Variants in GALNTL6 observed in about 807,000 individuals in gnomAD.
The protein encoded by GALNTL6 is polypeptide N-acetylgalactosaminyltransferase-like 6.
Under a neutral mutation model 73.7 loss-of-function variants are expected in GALNTL6, and 46 were observed. The ratio of observed to expected loss-of-function variants is 0.62; its 90% CI spans 0.49 to 0.80. The LOEUF is 0.80. Ranked by LOEUF, GALNTL6 falls within the 30% of genes least tolerant of loss-of-function variation. The probability of loss-of-function intolerance (pLI) is 0.00; values close to 1 mark genes in which losing one functional copy is unlikely to be tolerated. For missense variants in GALNTL6, 604 were observed against 755.0 expected (o/e 0.80, Z 2.34); for synonymous variants, 259 against 263.7 (o/e 0.98, Z 0.17).
At chr4:172,999,728 T>C (rs1375127905) in intron 10 of GALNTL6, among the ~76,000 whole-genome samples, 1 of 149,960 alleles carries the variant, frequency 6.7e-6, no homozygotes, top group East Asian at 2.0e-4. Flanking sequence ...GTAATTTTTA[T>C]TTAAAATGTC....
chr4:172,769,280 G>T (rs1302289519), intron 5 of GALNTL6, among the ~76,000 whole-genome samples: 1 of 152,032 alleles, frequency 6.6e-6, no homozygotes, highest in Non-Finnish European at 1.5e-5. Context: ...TTAAAAAAAA[G>T]ATATTTTAAA....
chr4:172,246,546 C>A (rs1192192262), intron 3 of GALNTL6, among the ~76,000 whole-genome samples: 1 of 151,874 alleles, frequency 6.6e-6, no homozygotes, highest in Non-Finnish European at 1.5e-5. Context: ...AACCTTCTGA[C>A]AAATACATCA....
Position 172,824,402 on chromosome 4 carries a change from G to C in GALNTL6, c.923+10679G>C, listed in dbSNP as rs200773023. On this transcript the variant is annotated intron_variant, in intron 7 of 12. Coordinates refer to ENST00000506823, the MANE Select transcript of GALNTL6 (RefSeq NM_001034845.3). ...AGTGTGTGTGTGTGTGTGTTTGTGT[G>C]TGTGTGTTCATGTGTGTGTGTGCAC... Among the ~76,000 whole-genome samples the C allele has an allele frequency of 2.0e-4, 30 of 148,212 alleles. No homozygotes were observed. The East Asian group carries it at 6.0e-3, about 30-fold the overall frequency.
At chr4:172,675,047 T>A (rs1732203656) in intron 5 of GALNTL6, among the ~76,000 whole-genome samples, 1 of 152,208 alleles carries the variant, frequency 6.6e-6, no homozygotes, top group Non-Finnish European at 1.5e-5. Context: ...AAAGCAGAAC[T>A]CTGGCTTTTG....
intron 5 of GALNTL6, among the ~76,000 whole-genome samples, chr4:172,627,578 T>G (rs954789710): frequency 6.6e-6 from 1 of 151,852 alleles, no homozygotes; most frequent in African/African-American, 2.4e-5. Context: ...TCGTATCAGC[T>G]CTTCTTTGTA....
At chr4:171,948,717 C>T (rs1359535017) in intron 2 of GALNTL6, among the ~76,000 whole-genome samples, 1 of 152,118 alleles carries the variant, frequency 6.6e-6, no homozygotes, top group Non-Finnish European at 1.5e-5. Context: ...TTTTTCCTCT[C>T]TCTTTGAACA....
chr4:173,007,722 C>A (rs1752365782), intron 10 of GALNTL6, among the ~76,000 whole-genome samples: 1 of 152,056 alleles, frequency 6.6e-6, no homozygotes, highest in East Asian at 1.9e-4. Context: ...AGGATAATTG[C>A]TTGAACCTGG....
At chr4:172,028,479 T>C (rs1306399497) in intron 2 of GALNTL6, among the ~76,000 whole-genome samples, 5 of 152,064 alleles carry the variant, frequency 3.3e-5, no homozygotes, top group Non-Finnish European at 7.4e-5. Context: ...TTTATAAATT[T>C]GGCCAAATGT....
chr4:172,133,840 T>G (rs1034903357), intron 2 of GALNTL6, among the ~76,000 whole-genome samples: 1 of 152,192 alleles, frequency 6.6e-6, no homozygotes, highest in Non-Finnish European at 1.5e-5. Flanking sequence ...TAGAGAGCAA[T>G]GTATTTGGAC....
At chr4:171,902,395 C>T (rs1290806432) in intron 2 of GALNTL6, among the ~76,000 whole-genome samples, 3 of 152,148 alleles carry the variant, frequency 2.0e-5, no homozygotes, top group African/African-American at 7.2e-5. Context: ...TCATCATCTT[C>T]AAGAGCAGAT....
chr4:171,949,844 T>A (rs1047313782), intron 2 of GALNTL6, among the ~76,000 whole-genome samples: 1 of 152,130 alleles, frequency 6.6e-6, no homozygotes, highest in Non-Finnish European at 1.5e-5. Flanking sequence ...GTAGAATGCG[T>A]AAAAGAGAGG....
At chr4:172,198,647 A>G (rs1735855653) in intron 2 of GALNTL6, among the ~76,000 whole-genome samples, 1 of 152,206 alleles carries the variant, frequency 6.6e-6, no homozygotes, top group Non-Finnish European at 1.5e-5. Context: ...TTGAGAGTTA[A>G]AAGTGTTGCC....
chr4:172,943,754 A>C (rs950364843), intron 9 of GALNTL6, among the ~76,000 whole-genome samples: 1 of 152,218 alleles, frequency 6.6e-6, no homozygotes, highest in African/African-American at 2.4e-5. Context: ...GAACTCCTAC[A>C]ACTTAGCAAC....
At chr4:173,024,184 T>G (rs1223454752) in intron 12 of GALNTL6, among the ~76,000 whole-genome samples, 1 of 152,214 alleles carries the variant, frequency 6.6e-6, no homozygotes, top group Non-Finnish European at 1.5e-5. Flanking sequence ...GAAACTCTTA[T>G]GAGCTTTAAT....
At chr4:172,420,671 T>C (rs1731020537) in intron 5 of GALNTL6, among the ~76,000 whole-genome samples, 1 of 152,098 alleles carries the variant, frequency 6.6e-6, no homozygotes, top group South Asian at 2.1e-4. Flanking sequence ...AAACTTTATA[T>C]AATATTTTAA....
chr4:172,181,995 G>A (rs141252190), intron 2 of GALNTL6, among the ~76,000 whole-genome samples: 5,756 of 152,106 alleles, frequency 0.038, 347 homozygotes, highest in African/African-American at 0.13. Context: ...GGGATTACAG[G>A]AGTGAGCCAC....
intron 2 of GALNTL6, among the ~76,000 whole-genome samples, chr4:171,916,040 A>G (rs1471513492): frequency 1.3e-5 from 2 of 152,176 alleles, no homozygotes; most frequent in Non-Finnish European, 2.9e-5. Flanking sequence ...ACAAAGAAAC[A>G]TACATGAAGA....
At chr4:172,569,210 C>A (rs1560813011) in intron 5 of GALNTL6, among the ~76,000 whole-genome samples, 1 of 152,134 alleles carries the variant, frequency 6.6e-6, no homozygotes, top group Non-Finnish European at 1.5e-5. Flanking sequence ...AAGGTGCCAG[C>A]AGATTTGGTT....
chr4:172,245,040 G>A (rs2111001247), intron 3 of GALNTL6, among the ~76,000 whole-genome samples: 2 of 152,170 alleles, frequency 1.3e-5, no homozygotes, highest in South Asian at 4.1e-4. Flanking sequence ...ACGGTATCTG[G>A]CAAGAATCAA....
Sources: allele counts gnomAD v4.1 joint callset (sites outside exome capture counted in the v4.1 genomes callset), GRCh38; gene constraint gnomAD v4.1.1; transcripts MANE v1.5; gene names NCBI Gene and HGNC (gene_info 2026-07-23, HGNC 2026-07-21).